The following CLIP1 variants were observed in gnomAD, a reference collection of about 807,000 sequenced individuals.
CLIP1 encodes the protein CAP-Gly domain containing linker protein 1, also known as CAP-Gly domain-containing linker protein 1.
CLIP1 carries 66 observed loss-of-function variants against 161.6 expected under a neutral mutation model. The ratio of observed to expected loss-of-function variants is 0.41; its 90% CI spans 0.33 to 0.50. The LOEUF is 0.50. Among genes scored for constraint, CLIP1 ranks in the 20% least tolerant of loss-of-function variants. The pLI, the probability that CLIP1 is intolerant of heterozygous loss-of-function variation, is 0.27. For synonymous variants in CLIP1, 598 were observed against 626.2 expected (o/e 0.96, Z 0.67); for missense variants, 1,376 against 1,702.0 (o/e 0.81, Z 3.37).
At chr12:122,362,011 C>T (rs11057705) in intron 4 of CLIP1, among the ~76,000 whole-genome samples, 74,132 of 150,988 alleles carry the variant, frequency 0.49, 22,056 homozygotes, top group Non-Finnish European at 0.65. Flanking sequence ...TGGAGTGCAG[C>T]GGCGCAATCT....
In CLIP1 at chr12:122,309,775, G is replaced by A; in HGVS notation, c.3581C>T (p.Thr1194Ile). The A allele has an allele frequency of 6.2e-7, 1 of 1,612,656 alleles. No individual in the cohort carries two copies. The highest frequency in any genetic ancestry group is 8.5e-7 in the Non-Finnish European group (1 of 1,180,036). ...AAGGACACTGACCTTTTGATGACTTGTGACTTCGTCCCTGCTTCTCCCCAG... is the reference window on the plus strand; with the variant it reads ...AAGGACACTGACCTTTTGATGACTTATGACTTCGTCCCTGCTTCTCCCCAG... ...EELGRSRDEV[T>I]SHQKLEEERS... The change falls in exon 20 of 26, where the codon ACA becomes ATA. Residue 1194 changes from threonine to isoleucine, a missense_variant. Thr to Ile is a moderately conservative substitution (Grantham distance 89). Transcript: ENST00000620786.
chr12:122,407,132 G>A (rs548026441), intron 1 of CLIP1, among the ~76,000 whole-genome samples: 17 of 152,300 alleles, frequency 1.1e-4, no homozygotes, highest in African/African-American at 3.6e-4. Context: ...TGGGTCGGCA[G>A]CAGTCAATTA....
Position 122,387,547 on chromosome 12 carries a change from CATATATAT to C in CLIP1, c.-106-6997_-106-6990del, listed in dbSNP as rs773688335. Among the ~76,000 whole-genome samples the C allele has an allele frequency of 9.3e-3, 372 of 39,850 alleles. 2 individuals carry two copies. The highest frequency in any genetic ancestry group is 0.02 in the Middle Eastern group (2 of 98). 26.1% of individuals were successfully genotyped at this position (39,850 alleles called of 152,430 possible). On this transcript the variant is annotated intron_variant, in intron 1 of 25. Coordinates refer to ENST00000620786, the MANE Select transcript of CLIP1 (RefSeq NM_001247997.2). Reference sequence around the variant, plus strand: ...TTCAACCCTTGAATACATGCCTTTTCATATATATATATATATATATATATATATATATA... The same window carrying C: ...TTCAACCCTTGAATACATGCCTTTTCATATATATATATATATATATATATA...
At chr12:122,285,998 C>T (rs1242176884) in intron 21 of CLIP1, among the ~76,000 whole-genome samples, 1 of 151,818 alleles carries the variant, frequency 6.6e-6, no homozygotes. Context: ...CCCTGGAGAA[C>T]ATCTGGCTGG....
At chr12:122,367,773 T>A (rs1954240258) in intron 3 of CLIP1, among the ~76,000 whole-genome samples, 1 of 152,114 alleles carries the variant, frequency 6.6e-6, no homozygotes, top group Non-Finnish European at 1.5e-5. Context: ...AATCCCACCA[T>A]TTTGGGAGGC....
chr12:122,340,863 T>C lies in CLIP1; in HGVS notation c.2341A>G (p.Lys781Glu), dbSNP rs746844810. The stretch of plus-strand genomic sequence containing the variant: ...TCCGATTTACCTTCGGAACTGGCTT[T>C]CCGAAGTGCATCAAGATCCAAGAGC... ...EKLLDLDALR[K>E]ASSEGKSEMK... Residue 781 changes from lysine (K) to glutamate (E), a missense_variant, in exon 11 of 26, where the codon AAA becomes GAA. This residue lies in a region of CLIP1 where 948 missense variants were observed against 1,134.8 expected (regional missense o/e 0.84). Transcript: ENST00000620786. 2.5e-6 allele frequency: 4 copies of C among 1,614,086 alleles called. No homozygotes were observed. Among genetic ancestry groups the C allele is most frequent in the Admixed American group, 1.7e-5 (1 of 60,008 alleles).
chr12:122,380,584 T>C lies in CLIP1; in HGVS notation c.-106-26A>G, dbSNP rs867954513. On this transcript the variant is annotated intron_variant, in intron 1 of 25. Coordinates refer to ENST00000620786, the MANE Select transcript of CLIP1 (RefSeq NM_001247997.2). ...CTGCAAAGAGAAAGAAATAAAAAGA[T>C]TTTATAATCTACAGGAGCAAGTAGG... The C allele has an allele frequency of 1.5e-5, 8 of 525,712 alleles. No homozygotes were observed. In the Middle Eastern group the frequency reaches 8.6e-4, roughly 57 times the overall value. The allele number at this position is 525,712 out of a possible 1,614,324, so 32.6% of individuals were successfully genotyped here. A position where few individuals can be genotyped will look rare whatever the true frequency, so the allele number is the denominator to read the frequency against.
chr12:122,290,858 C>CTTTTTT (rs565095841), intron 20 of CLIP1, among the ~76,000 whole-genome samples: 3 of 148,764 alleles, frequency 2.0e-5, no homozygotes, highest in Admixed American at 6.7e-5. Context: ...TTTCTTTTTT[C>CTTTTTT]TTTTTTTTAT....
intron 11 of CLIP1, 26 bp from the exon 12 acceptor site, chr12:122,336,774 G>T: frequency 1.0e-6 from 1 of 979,838 alleles, no homozygotes; most frequent in Non-Finnish European, 1.5e-6. Context: ...ACATGGTATA[G>T]AAGCAAATGA....
At chr12:122,372,938 A>G (rs777304839) in intron 3 of CLIP1, among the ~76,000 whole-genome samples, 2 of 152,196 alleles carry the variant, frequency 1.3e-5, no homozygotes, top group South Asian at 2.1e-4. Context: ...AACCAGGCTC[A>G]TAGGTTTGAG....
chr12:122,295,192 A>T (rs1950422788), intron 20 of CLIP1, among the ~76,000 whole-genome samples: 1 of 151,996 alleles, frequency 6.6e-6, no homozygotes, highest in Non-Finnish European at 1.5e-5. Context: ...CAACACGATA[A>T]AACCCCATCT....
At chr12:122,327,788 G>T (rs912925259) in intron 17 of CLIP1, among the ~76,000 whole-genome samples, 159 bp downstream of exon 17, 10 of 152,086 alleles carry the variant, frequency 6.6e-5, no homozygotes, top group African/African-American at 9.7e-5. Flanking sequence ...TGAAGCCATA[G>T]GAAATGTAAT....
chr12:122,285,822 T>C (rs1316443633), intron 21 of CLIP1, among the ~76,000 whole-genome samples: 1 of 152,062 alleles, frequency 6.6e-6, no homozygotes, highest in Non-Finnish European at 1.5e-5. Flanking sequence ...CTATTTATTT[T>C]TTCACGTGTC....
intron 10 of CLIP1, among the ~76,000 whole-genome samples, chr12:122,344,918 T>C (rs930130767): frequency 6.6e-6 from 1 of 152,198 alleles, no homozygotes; most frequent in African/African-American, 2.4e-5. Flanking sequence ...ACATACTTCG[T>C]TATGGAAAGA....
Position 122,336,527 on chromosome 12 carries a change from A to G in CLIP1, c.2568+105T>C, listed in dbSNP as rs1052365536. On this transcript the variant is annotated intron_variant, in intron 12 of 25. Coordinates refer to ENST00000620786, the MANE Select transcript of CLIP1 (RefSeq NM_001247997.2). ...ACTAATACACTCAAGTTGAATCAACACTTAGAAAGAGAAAGGAAACAGCTA... is the reference window on the plus strand; with the variant it reads ...ACTAATACACTCAAGTTGAATCAACGCTTAGAAAGAGAAAGGAAACAGCTA... The G allele has an allele frequency of 8.9e-6, 6 of 672,896 alleles. No homozygotes were observed. In the South Asian group the frequency reaches 9.3e-5, roughly 10 times the overall value. 41.7% of individuals were successfully genotyped at this position (672,896 alleles called of 1,614,324 possible). A position where few individuals can be genotyped will look rare whatever the true frequency, so the allele number is the denominator to read the frequency against.
intron 1 of CLIP1, among the ~76,000 whole-genome samples, chr12:122,419,007 C>A (rs1229864784): frequency 1.3e-5 from 2 of 152,198 alleles, no homozygotes; most frequent in Non-Finnish European, 2.9e-5. Context: ...TACTATACTA[C>A]CTTCTGTTTT....
intron 23 of CLIP1, 85 bp downstream of exon 23, chr12:122,278,707 C>T: frequency 7.3e-7 from 1 of 1,376,002 alleles, no homozygotes; most frequent in African/African-American, 1.5e-5. Context: ...AGCATGAGAG[C>T]TGTCTTCGAA....
chr12:122,338,861 G>A (rs882969), intron 11 of CLIP1, among the ~76,000 whole-genome samples: 5 of 151,958 alleles, frequency 3.3e-5, no homozygotes, highest in Non-Finnish European at 5.9e-5. Flanking sequence ...TTAGTATTTC[G>A]GAACCACATG....
chr12:122,390,394 C>T lies in CLIP1; in HGVS notation c.-106-9836G>A, dbSNP rs182112903. ...TGGCACAATCTCGGCTCACTGCAAC[C>T]TCCACCTCCTGGGTTCAAACGATTC... On this transcript the variant is annotated intron_variant, in intron 1 of 25. Coordinates refer to ENST00000620786, the MANE Select transcript of CLIP1 (RefSeq NM_001247997.2). Among the ~76,000 whole-genome samples the T allele has an allele frequency of 6.8e-4, 101 of 149,596 alleles. 2 individuals carry two copies. The East Asian group carries it at 0.018, about 27-fold the overall frequency.
Sources: gnomAD v4.1 joint callset for allele counts (sites outside exome capture counted in the v4.1 genomes callset) on GRCh38, gnomAD v4.1.1 for gene constraint, gnomAD v4.1.1 regional missense constraint, MANE v1.5 for transcripts, NCBI Gene and HGNC (gene_info 2026-07-23, HGNC 2026-07-21) for gene names.